Variants in MAP2K6 observed in about 807,000 individuals in gnomAD.
MAP2K6 encodes mitogen-activated protein kinase kinase 6.
In MAP2K6, 16 loss-of-function variants were observed where a neutral mutation model predicts 53.7. The ratio of observed to expected loss-of-function variants is 0.30; its 90% CI spans 0.20 to 0.45. The LOEUF is 0.45. MAP2K6 is among the 20% of genes least tolerant of loss of function. MAP2K6 has a pLI of 1.00. For missense variants in MAP2K6, 204 were observed against 411.9 expected, an observed-to-expected ratio of 0.50 and a Z score of 4.37; for synonymous variants, 132 against 143.1, an observed-to-expected ratio of 0.92 and a Z score of 0.55.
intron 1 of MAP2K6, among the ~76,000 whole-genome samples, chr17:69,466,639 G>A (rs1735769947): frequency 6.6e-6 from 1 of 152,242 alleles, no homozygotes; most frequent in Non-Finnish European, 1.5e-5. Context: ...AGCAATCCCT[G>A]TGAATGCCGG....
intron 11 of MAP2K6, among the ~76,000 whole-genome samples, chr17:69,541,428 C>CTT (rs568396620): frequency 6.6e-6 from 1 of 151,980 alleles, no homozygotes; most frequent in African/African-American, 2.4e-5. Flanking sequence ...CATAATTACA[C>CTT]TTTTTTTTAA....
intron 1 of MAP2K6, chr17:69,502,629 G>T: frequency 1.0e-6 from 1 of 985,364 alleles, no homozygotes; most frequent in Non-Finnish European, 1.2e-6. Context: ...ATAGTCAAGG[G>T]TTTAGAGTCT....
intron 1 of MAP2K6, among the ~76,000 whole-genome samples, chr17:69,444,377 G>C (rs1401822855): frequency 6.6e-6 from 1 of 152,152 alleles, no homozygotes; most frequent in South Asian, 2.1e-4. Context: ...TTTGTTAAAA[G>C]AAACGAATTC....
At chr17:69,528,211 C>T (rs536753874) in intron 10 of MAP2K6, among the ~76,000 whole-genome samples, 35 of 151,642 alleles carry the variant, frequency 2.3e-4, no homozygotes, top group Admixed American at 1.2e-3. Context: ...AAGAGCTCTT[C>T]GACTCTTTGT....
At chr17:69,473,008 A>G (rs1908033299) in intron 1 of MAP2K6, among the ~76,000 whole-genome samples, 1 of 152,218 alleles carries the variant, frequency 6.6e-6, no homozygotes, top group Admixed American at 6.5e-5. Flanking sequence ...CGCCTGGCCT[A>G]TTCATCTTTC....
intron 1 of MAP2K6, among the ~76,000 whole-genome samples, chr17:69,464,477 G>A (rs2145174116): frequency 6.6e-6 from 1 of 152,228 alleles, no homozygotes; most frequent in African/African-American, 2.4e-5. Context: ...CACCTCCCAG[G>A]TTCACGTGAT....
intron 2 of MAP2K6, among the ~76,000 whole-genome samples, chr17:69,506,636 C>T (rs1419811699): frequency 6.6e-6 from 1 of 152,096 alleles, no homozygotes; most frequent in African/African-American, 2.4e-5. Flanking sequence ...AAAAGTGCCT[C>T]CCTTTGTGAT....
At chr17:69,475,566 A>G (rs933866680) in intron 1 of MAP2K6, among the ~76,000 whole-genome samples, 1 of 152,240 alleles carries the variant, frequency 6.6e-6, no homozygotes, top group Non-Finnish European at 1.5e-5. Flanking sequence ...TCACGTGTGT[A>G]CACACAAAGA....
rs1911924687 is a variant in MAP2K6, at chr17:69,547,501, A to G, written c.*5748A>G. 1 of 152,262 alleles carries G rather than the reference A, an allele frequency of 6.6e-6. No individual in the cohort carries two copies. The highest frequency in any genetic ancestry group is 6.5e-5 in the Admixed American group (1 of 15,284). The allele number at this position is 152,262 out of a possible 1,614,324, so 9.4% of individuals were successfully genotyped here. ...TTGGCCCACAGGCCATGGTTTGCCA[A>G]CACCAGTCTTAGAGCATTAAATATA... is the stretch of plus-strand genomic sequence containing the variant. On this transcript the variant is annotated 3_prime_UTR_variant, in exon 12 of 12. Transcript: ENST00000590474.
chr17:69,424,071 G>C (rs1906183436), intron 1 of MAP2K6, among the ~76,000 whole-genome samples: 1 of 152,174 alleles, frequency 6.6e-6, no homozygotes. Flanking sequence ...TGGGACCAGA[G>C]AGGTTTCCAG....
intron 1 of MAP2K6, among the ~76,000 whole-genome samples, chr17:69,442,608 C>A (rs1325786786): frequency 6.6e-6 from 1 of 152,138 alleles, no homozygotes; most frequent in Non-Finnish European, 1.5e-5. Context: ...CACAGTGAAC[C>A]ACAGGGATGG....
intron 1 of MAP2K6, among the ~76,000 whole-genome samples, chr17:69,479,947 G>A (rs996083551): frequency 6.6e-6 from 1 of 152,060 alleles, no homozygotes; most frequent in Non-Finnish European, 1.5e-5. Context: ...TGTTGGCCAA[G>A]CTGGTCTCGA....
intron 1 of MAP2K6, chr17:69,477,311 T>G (rs748402687): frequency 1.3e-5 from 2 of 152,232 alleles, no homozygotes; most frequent in African/African-American, 4.8e-5. Context: ...TGTAAGGAAC[T>G]AATGGGGTTA....
rs1194957358 is a variant in MAP2K6, at chr17:69,550,870, A to T, written c.*9117A>T. On this transcript the variant is annotated 3_prime_UTR_variant, in exon 12 of 12. Transcript: ENST00000590474. ...ACTTTAGGACTTTAAACAGTCTCAA[A>T]TATGGGAAATTTTATAGCCAACCAC... 6.6e-6 allele frequency: 1 copy of T among 152,230 alleles called. No homozygotes were observed. The highest frequency in any genetic ancestry group is 1.9e-4 in the East Asian group (1 of 5,206). 9.4% of individuals were successfully genotyped at this position (152,230 alleles called of 1,614,324 possible).
chr17:69,524,780 T>C, intron 8 of MAP2K6, 121 bp from the exon 9 acceptor site: 1 of 616,744 alleles, frequency 1.6e-6, no homozygotes, highest in Non-Finnish European at 3.0e-6. Context: ...CTTGGTGGCA[T>C]GTTAACAGCT....
At chr17:69,516,527 T>C (rs2145249305) in intron 2 of MAP2K6, among the ~76,000 whole-genome samples, 1 of 152,326 alleles carries the variant, frequency 6.6e-6, no homozygotes, top group South Asian at 2.1e-4. Context: ...GTATAGCTCA[T>C]ACGAATTAGA....
At chr17:69,535,398 G>T (rs538668284) in intron 10 of MAP2K6, among the ~76,000 whole-genome samples, 1 of 152,240 alleles carries the variant, frequency 6.6e-6, no homozygotes, top group African/African-American at 2.4e-5. Flanking sequence ...TTCGAGACCA[G>T]CCTGGGCAAC....
At chr17:69,530,189 C>G (rs1188826247) in intron 10 of MAP2K6, among the ~76,000 whole-genome samples, 1 of 152,064 alleles carries the variant, frequency 6.6e-6, no homozygotes, top group Non-Finnish European at 1.5e-5. Context: ...GTGGTGTGCA[C>G]CTGGGGACCC....
chr17:69,501,788 A>G (rs1351215426), intron 1 of MAP2K6: 3 of 151,918 alleles, frequency 2.0e-5, no homozygotes, highest in African/African-American at 7.3e-5. Flanking sequence ...GCTTGTTGCT[A>G]GCATATGACA....
Sources: allele counts gnomAD v4.1 joint callset (sites outside exome capture counted in the v4.1 genomes callset), GRCh38; gene constraint gnomAD v4.1.1; transcripts MANE v1.5; gene names NCBI Gene and HGNC (gene_info 2026-07-23, HGNC 2026-07-21).